Variants in ADCYAP1R1 observed in about 807,000 individuals in gnomAD.
The protein encoded by ADCYAP1R1 is ADCYAP receptor type I, also known as pituitary adenylate cyclase-activating polypeptide type I receptor.
Under a neutral mutation model 67.6 loss-of-function variants are expected in ADCYAP1R1, and 44 were observed. The observed-to-expected ratio is 0.65, with a 90% CI of 0.51 to 0.84. The LOEUF (loss-of-function observed/expected upper bound fraction) is 0.84. Among genes scored for constraint, ADCYAP1R1 ranks in the 40% least tolerant of loss-of-function variants. The probability of loss-of-function intolerance (pLI) is 0.00; values close to 1 mark genes in which losing one functional copy is unlikely to be tolerated. For missense variants in ADCYAP1R1, 477 were observed against 587.9 expected (o/e 0.81, Z 1.95); for synonymous variants, 222 against 219.6 (o/e 1.01, Z -0.10).
intron 13 of ADCYAP1R1, among the ~76,000 whole-genome samples, chr7:31,097,226 C>T (rs971166135): frequency 6.6e-6 from 1 of 152,234 alleles, no homozygotes; most frequent in Non-Finnish European, 1.5e-5. Context: ...CTGCTCTGCT[C>T]TCCAGACAGC....
At chr7:31,066,393 C>CGG (rs756146919) in intron 3 of ADCYAP1R1, among the ~76,000 whole-genome samples, 75 of 152,156 alleles carry the variant, frequency 4.9e-4, no homozygotes, top group Admixed American at 3.5e-3. Flanking sequence ...TGCTCACCTG[C>CGG]TTGTTGAACT....
At chr7:31,098,703 C>CGG (rs56397954) in intron 13 of ADCYAP1R1, among the ~76,000 whole-genome samples, 9 of 59,564 alleles carry the variant, frequency 1.5e-4, no homozygotes, top group African/African-American at 2.3e-4. Context: ...TGCAGCGGGG[C>CGG]GGGGGGGGGG....
At chr7:31,085,561 G>A (rs1194911101) in intron 9 of ADCYAP1R1, 119 bp downstream of exon 9, 14 of 1,209,272 alleles carry the variant, frequency 1.2e-5, no homozygotes, top group Non-Finnish European at 1.6e-5. Context: ...GTCCCTGCAG[G>A]TGAAGGCATT....
At chr7:31,056,655 C>T (rs563458273) in intron 1 of ADCYAP1R1, among the ~76,000 whole-genome samples, 56 of 152,276 alleles carry the variant, frequency 3.7e-4, no homozygotes, top group Non-Finnish European at 7.2e-4. Context: ...ACCCTAGATC[C>T]GGGAAAGGGC....
chr7:31,070,342 A>G (rs1293935500), intron 3 of ADCYAP1R1, among the ~76,000 whole-genome samples: 1 of 152,060 alleles, frequency 6.6e-6, no homozygotes, highest in East Asian at 1.9e-4. Context: ...GGGTCCCCAC[A>G]CTCTAGTGGA....
intron 12 of ADCYAP1R1, among the ~76,000 whole-genome samples, chr7:31,091,342 A>G (rs137864554): frequency 0.01 from 1,525 of 152,336 alleles, 15 homozygotes; most frequent in Admixed American, 0.019. Context: ...TAATTTGCAA[A>G]TATATTCTCC....
rs113246672 is a variant in ADCYAP1R1, at chr7:31,085,951, C to A, written c.670-433C>A. Among the ~76,000 whole-genome samples the A allele has an allele frequency of 8.3e-4, 126 of 152,288 alleles. 1 individual carries two copies. The highest frequency in any genetic ancestry group is 3.4e-3 in the Middle Eastern group (1 of 294). ...AAGTCCAGGGCCTTGACCAGGAGGA[C>A]ATGCTTGGGGAGCCTCTATGAGTAG... On this transcript the variant is annotated intron_variant, in intron 9 of 15. Coordinates refer to ENST00000304166, the MANE Select transcript of ADCYAP1R1 (RefSeq NM_001118.5).
chr7:31,063,490 T>C (rs1409270255), intron 2 of ADCYAP1R1, among the ~76,000 whole-genome samples, 175 bp downstream of exon 2: 1 of 152,216 alleles, frequency 6.6e-6, no homozygotes, highest in Non-Finnish European at 1.5e-5. Flanking sequence ...CATGCCTTCC[T>C]CAAGACCCTG....
chr7:31,081,830 C>T (rs1795526446), intron 6 of ADCYAP1R1, 76 bp downstream of exon 6: 1 of 1,273,644 alleles, frequency 7.9e-7, no homozygotes, highest in Non-Finnish European at 1.1e-6. Context: ...TTTGAGAACC[C>T]CATCCCAGGC....
At chr7:31,104,806 C>G in intron 14 of ADCYAP1R1, 62 bp from the exon 15 acceptor site, 1 of 1,577,236 alleles carries the variant, frequency 6.3e-7, no homozygotes, top group South Asian at 1.1e-5. Context: ...CCCTCCATGC[C>G]CCACACAGCA....
At chr7:31,100,615 T>G (rs1796398083) in intron 13 of ADCYAP1R1, among the ~76,000 whole-genome samples, 1 of 152,198 alleles carries the variant, frequency 6.6e-6, no homozygotes, top group Non-Finnish European at 1.5e-5. Flanking sequence ...TTCACTCCAG[T>G]GTCCACAGCA....
Position 31,086,465 on chromosome 7 carries a change from C to G in ADCYAP1R1, c.751C>G (p.Leu251Val). The G allele has an allele frequency of 6.2e-7, 1 of 1,614,206 alleles. No individual in the cohort carries two copies. The change falls in exon 10 of 16, where the codon CTC becomes GTC. Residue 251 changes from leucine to valine, a missense_variant. Leu to Val is a conservative substitution (Grantham distance 32). Coordinates refer to ENST00000304166, the MANE Select transcript of ADCYAP1R1 (RefSeq NM_001118.5). This position sits in a 1 kb window ranked among gnomAD's most constrained non-coding sequence, Gnocchi z 5.0. Reference protein sequence around the residue: ...YFWLFIEGLYLFTLLVETFFP... With the variant: ...YFWLFIEGLYVFTLLVETFFP... Reference sequence around the variant, plus strand: ...CTGGCTGTTCATCGAGGGCCTGTACCTCTTCACTCTGCTGGTGGAGACCTT... The same window carrying G: ...CTGGCTGTTCATCGAGGGCCTGTACGTCTTCACTCTGCTGGTGGAGACCTT...
intron 13 of ADCYAP1R1, chr7:31,100,019 C>G: frequency 9.3e-7 from 1 of 1,079,574 alleles, no homozygotes; most frequent in East Asian, 2.6e-5. Context: ...ACATGACTGC[C>G]CTGGCCCTGT....
At chr7:31,097,396 C>T (rs536175402) in intron 13 of ADCYAP1R1, among the ~76,000 whole-genome samples, 57 of 152,308 alleles carry the variant, frequency 3.7e-4, no homozygotes, top group African/African-American at 1.3e-3. Flanking sequence ...CTTCCTTTCT[C>T]CCACCGTGTC....
At chr7:31,081,204 G>T (rs537459564) in intron 5 of ADCYAP1R1, among the ~76,000 whole-genome samples, 1 of 152,104 alleles carries the variant, frequency 6.6e-6, no homozygotes, top group Non-Finnish European at 1.5e-5. Context: ...ATAAGAAAAG[G>T]GTGGAAATGG....
chr7:31,056,037 T>G (rs1322694281), intron 1 of ADCYAP1R1, among the ~76,000 whole-genome samples: 1 of 152,230 alleles, frequency 6.6e-6, no homozygotes. Flanking sequence ...TCACCCTTTG[T>G]GTCCAAGTCT....
chr7:31,078,633 C>T (rs1331866815), intron 4 of ADCYAP1R1, among the ~76,000 whole-genome samples: 1 of 152,210 alleles, frequency 6.6e-6, no homozygotes, highest in Non-Finnish European at 1.5e-5. Context: ...ACACAAGACA[C>T]CCACGTCCAC....
In ADCYAP1R1 at chr7:31,095,743, C is replaced by T; in HGVS notation, c.1046+3008C>T. 5.6e-6 allele frequency: 4 copies of T among 717,986 alleles called. No individual in the cohort carries two copies. In the Middle Eastern group the frequency reaches 9.1e-4, roughly 164 times the overall value. The allele number at this position is 717,986 out of a possible 1,614,324, so 44.5% of individuals were successfully genotyped here. A position where few individuals can be genotyped will look rare whatever the true frequency, so the allele number is the denominator to read the frequency against. ...TGTGCCCTCAGACCAGCATTCACTCCCTTTCCTGTAGGTTGGTTCCAGCTG... is the reference window on the plus strand; with the variant it reads ...TGTGCCCTCAGACCAGCATTCACTCTCTTTCCTGTAGGTTGGTTCCAGCTG... On this transcript the variant is annotated intron_variant, in intron 13 of 15. Transcript: ENST00000304166.
At chr7:31,060,229 T>G (rs1161123049) in intron 1 of ADCYAP1R1, among the ~76,000 whole-genome samples, 3 of 152,204 alleles carry the variant, frequency 2.0e-5, no homozygotes, top group African/African-American at 7.2e-5. Flanking sequence ...CATCCCTGCA[T>G]GTGTGCGTGC....
Sources: gnomAD v4.1 joint callset for allele counts (sites outside exome capture counted in the v4.1 genomes callset) on GRCh38, gnomAD v4.1.1 for gene constraint, Gnocchi (gnomAD v3.1) non-coding constraint, MANE v1.5 for transcripts, NCBI Gene and HGNC (gene_info 2026-07-23, HGNC 2026-07-21) for gene names.